Variants in SGMS1 observed in about 807,000 individuals in gnomAD.
The protein encoded by SGMS1 is sphingomyelin synthase 1.
Under a neutral mutation model 46.2 loss-of-function variants are expected in SGMS1, and 13 were observed. The ratio of observed to expected loss-of-function variants is 0.28; its 90% CI spans 0.18 to 0.45. The LOEUF is 0.45. SGMS1 is among the 20% of genes least tolerant of loss of function. The pLI is 1.00. For synonymous variants in SGMS1, 203 were observed against 187.8 expected, an observed-to-expected ratio of 1.08 and a Z score of -0.66; for missense variants, 324 against 519.9, an observed-to-expected ratio of 0.62 and a Z score of 3.66.
chr10:50,459,316 GTTATAA>G (rs928668763), intron 5 of SGMS1, among the ~76,000 whole-genome samples: 5 of 152,130 alleles, frequency 3.3e-5, no homozygotes, highest in South Asian at 2.1e-4. Flanking sequence ...CAAATTAAGT[GTTATAA>G]TTATAAACCA....
intron 6 of SGMS1, among the ~76,000 whole-genome samples, chr10:50,414,203 C>T (rs774568661): frequency 4.6e-5 from 7 of 152,118 alleles, no homozygotes; most frequent in Non-Finnish European, 1.0e-4. Flanking sequence ...AGTTTGAGTT[C>T]GAGACCAACC....
chr10:50,454,180 G>A (rs188478782), intron 5 of SGMS1, among the ~76,000 whole-genome samples: 201 of 152,196 alleles, frequency 1.3e-3, no homozygotes, highest in African/African-American at 4.6e-3. Flanking sequence ...TAAAAGCAGG[G>A]ATATGGTTAG....
intron 1 of SGMS1, among the ~76,000 whole-genome samples, chr10:50,605,572 T>G (rs1838687412): frequency 6.6e-6 from 1 of 152,192 alleles, no homozygotes. Flanking sequence ...CTGGTGAGAC[T>G]GCTCTGAAGT....
chr10:50,560,352 A>G (rs1041739952), intron 2 of SGMS1, among the ~76,000 whole-genome samples: 8 of 138,054 alleles, frequency 5.8e-5, no homozygotes, highest in African/African-American at 2.1e-4. Flanking sequence ...TTAATAATAT[A>G]TATTATAATA....
At chr10:50,575,896 T>G (rs1182639781) in intron 2 of SGMS1, among the ~76,000 whole-genome samples, 1 of 152,050 alleles carries the variant, frequency 6.6e-6, no homozygotes, top group East Asian at 1.9e-4. Context: ...GAAAGAAGTA[T>G]AACTGTTCAT....
chr10:50,531,120 A>G (rs562256159), intron 2 of SGMS1, among the ~76,000 whole-genome samples: 8 of 152,284 alleles, frequency 5.3e-5, no homozygotes, highest in African/African-American at 1.9e-4. Context: ...CAACTACTTC[A>G]CTATTCAGAA....
rs551305836 is a variant in SGMS1 at position 50,468,676 on chromosome 10, C to T, written c.-497-1744G>A. 2.2e-4 allele frequency among the ~76,000 whole-genome samples: 33 copies of T among 152,296 alleles called. No individual in the cohort carries two copies. In the East Asian group the frequency reaches 6.2e-3, roughly 28 times the overall value. On this transcript the variant is annotated intron_variant, in intron 3 of 10. Coordinates refer to ENST00000361781, the MANE Select transcript of SGMS1 (RefSeq NM_147156.4). ...GAAGAACCCATGACAGTGTCATCTTCAAATGGCATGCCACACCTGCATGAA... is the reference window on the plus strand; with the variant it reads ...GAAGAACCCATGACAGTGTCATCTTTAAATGGCATGCCACACCTGCATGAA...
At chr10:50,341,042 G>T (rs16927378) in intron 7 of SGMS1, among the ~76,000 whole-genome samples, 1,751 of 152,260 alleles carry the variant, frequency 0.012, 37 homozygotes, top group African/African-American at 0.04. Flanking sequence ...TGGGGATGGG[G>T]TCAACACTCA....
chr10:50,341,470 G>T (rs1292254846), intron 7 of SGMS1: 1 of 455,940 alleles, frequency 2.2e-6, no homozygotes, highest in Non-Finnish European at 4.4e-6. Context: ...AGAGGACTTA[G>T]TTGGATGCAT....
chr10:50,354,505 C>T (rs1030444251), intron 6 of SGMS1, among the ~76,000 whole-genome samples: 1 of 152,178 alleles, frequency 6.6e-6, no homozygotes, highest in Non-Finnish European at 1.5e-5. Context: ...AAAACCTAGG[C>T]AATACCATTC....
chr10:50,515,963 G>A (rs912008517), intron 3 of SGMS1, among the ~76,000 whole-genome samples: 1 of 152,082 alleles, frequency 6.6e-6, no homozygotes, highest in Non-Finnish European at 1.5e-5. Context: ...TGTTTTCAGT[G>A]CCTGTCTTTC....
chr10:50,525,058 T>C (rs1386315532), intron 2 of SGMS1, among the ~76,000 whole-genome samples: 10 of 152,064 alleles, frequency 6.6e-5, no homozygotes, highest in Non-Finnish European at 2.9e-5. Flanking sequence ...GCGGTGGAAA[T>C]AGGAAAGAAT....
chr10:50,534,668 A>T, intron 2 of SGMS1, among the ~76,000 whole-genome samples: 1 of 152,250 alleles, frequency 6.6e-6, no homozygotes, highest in East Asian at 1.9e-4. Context: ...ATATTCACAT[A>T]GTTGAATAGT....
Position 50,435,964 on chromosome 10 carries a change from C to T in SGMS1, c.-312-2408G>A, listed in dbSNP as rs115745173. ...CCAGTGTGCAATGTTCACAAGAACA[C>T]GTGTGTCATTACAGTTTAGTTCCCT... On this transcript the variant is annotated intron_variant, in intron 5 of 10. Coordinates refer to ENST00000361781, the MANE Select transcript of SGMS1 (RefSeq NM_147156.4). Among the ~76,000 whole-genome samples the T allele has an allele frequency of 9.6e-3, 1,467 of 152,240 alleles. 28 individuals carry two copies. The highest frequency in any genetic ancestry group is 0.034 in the African/African-American group (1,393 of 41,552).
intron 3 of SGMS1, among the ~76,000 whole-genome samples, chr10:50,508,233 G>T (rs1455334835): frequency 1.3e-5 from 2 of 152,134 alleles, no homozygotes; most frequent in Non-Finnish European, 2.9e-5. Flanking sequence ...CAATCCAAGA[G>T]TATTCAAAGA....
chr10:50,591,712 C>T (rs1387264922), intron 1 of SGMS1, among the ~76,000 whole-genome samples: 1 of 152,192 alleles, frequency 6.6e-6, no homozygotes, highest in African/African-American at 2.4e-5. Flanking sequence ...GTTATATTTG[C>T]TGTTGAGGAT....
chr10:50,418,803 T>C (rs1718234831), intron 6 of SGMS1, among the ~76,000 whole-genome samples: 6 of 152,210 alleles, frequency 3.9e-5, no homozygotes, highest in African/African-American at 1.2e-4. Flanking sequence ...CTGTGTGGCC[T>C]TGAGTAAGTT....
intron 2 of SGMS1, among the ~76,000 whole-genome samples, chr10:50,584,891 G>A (rs1282014095): frequency 3.9e-5 from 6 of 152,210 alleles, no homozygotes; most frequent in African/African-American, 7.2e-5. Flanking sequence ...CATCATGGCT[G>A]AAGATGGTTC....
Position 50,549,092 on chromosome 10 carries a change from G to T in SGMS1, c.-588-29171C>A, listed in dbSNP as rs1838126852. Among the ~76,000 whole-genome samples, 8 of 152,196 alleles carry T rather than the reference G, an allele frequency of 5.3e-5. No homozygotes were observed. The South Asian group carries it at 1.4e-3, about 28-fold the overall frequency. On this transcript the variant is annotated intron_variant, in intron 2 of 10. Transcript: ENST00000361781. ...GAAAAAGGAACGCTTATATACTGTT[G>T]GTGGGAAGGTAAATTAGTCCAACCA...
Sources: allele counts gnomAD v4.1 joint callset (sites outside exome capture counted in the v4.1 genomes callset), GRCh38; gene constraint gnomAD v4.1.1; transcripts MANE v1.5; gene names NCBI Gene and HGNC (gene_info 2026-07-23, HGNC 2026-07-21).